HOOK2: variants seen among roughly 807,000 people sequenced by gnomAD.
The protein encoded by HOOK2 is protein Hook homolog 2.
In HOOK2, 108 loss-of-function variants were observed where a neutral mutation model predicts 111.9. The observed-to-expected ratio is 0.96, with a 90% confidence interval of 0.83 to 1.13. The LOEUF (loss-of-function observed/expected upper bound fraction) is 1.13. Among genes scored for constraint, HOOK2 ranks in the 50% most tolerant of loss-of-function variants. The probability of loss-of-function intolerance (pLI) is 0.00; values close to 1 mark genes in which losing one functional copy is unlikely to be tolerated. For synonymous variants in HOOK2, 405 were observed against 394.3 expected, an observed-to-expected ratio of 1.03 and a Z score of -0.32; for missense variants, 978 against 951.3, an observed-to-expected ratio of 1.03 and a Z score of -0.37.
intron 2 of HOOK2, 24 bp from the exon 3 acceptor site, chr19:12,774,765 G>T: frequency 6.2e-7 from 1 of 1,613,196 alleles, no homozygotes; most frequent in South Asian, 1.1e-5. Flanking sequence ...GGTGGGATGA[G>T]CAGACTGGGG....
chr19:12,780,474 A>G (rs1417532828), upstream of HOOK2, among the ~76,000 whole-genome samples: 1 of 150,832 alleles, frequency 6.6e-6, no homozygotes, highest in Non-Finnish European at 1.5e-5. Context: ...CTCCTGCCTC[A>G]GCCTCCCAAG....
At chr19:12,774,028 C>G (rs946211043) in intron 3 of HOOK2, 2 of 154,414 alleles carry the variant, frequency 1.3e-5, no homozygotes, top group African/African-American at 4.8e-5. Flanking sequence ...CCTCATTGCT[C>G]TCTCTCAAAG....
In HOOK2 at chr19:12,770,047, G is replaced by A. The variant is rs1233125386; in HGVS notation, c.938C>T (p.Thr313Met). Residue 313 changes from threonine (T) to methionine (M), a missense_variant, in exon 11 of 23, where the codon ACG (threonine) becomes ATG (methionine). Coordinates refer to ENST00000397668, the MANE Select transcript of HOOK2 (RefSeq NM_013312.3). ...SSERAGQLEA[T>M]LTSCRRRLGE... ...CAAGCGGCGCCGGCAACTGGTCAGC[G>A]TGGCCTCCAGCTGCCCAGCACGCTC... 3 of 1,537,590 alleles carry A rather than the reference G, an allele frequency of 2.0e-6. No individual in the cohort carries two copies. The highest frequency in any genetic ancestry group is 2.0e-5 in the Admixed American group (1 of 50,682).
chr19:12,767,499 G>A lies in HOOK2; in HGVS notation c.1304-35C>T, dbSNP rs200109264. On this transcript the variant is annotated intron_variant, in intron 13 of 22. Transcript: ENST00000397668. ...GCGAGAAAAGTCTTCAGGTCTCTTC[G>A]CATCCCCTGTCCCCGCCCCTAGGGT... is the stretch of plus-strand genomic sequence containing the variant. 87 of 1,542,100 alleles carry A rather than the reference G, an allele frequency of 5.6e-5. No homozygotes were observed. In the African/African-American group the frequency reaches 6.8e-4, roughly 12 times the overall value.
rs534976470 is a variant in HOOK2, at chr19:12,771,221, G to C, written c.699C>G (p.Leu233=). 4.6e-5 allele frequency: 74 copies of C among 1,611,800 alleles called. No homozygotes were observed. The East Asian group carries it at 1.6e-3, about 35-fold the overall frequency. The part of the protein sequence containing the change: ...GRPEGEGTPG[L]TAKKLLLLQS... ...GCAGCAGCAGCAGCTTCTTGGCAGT[G>C]AGACCTGGGGTACCCTCGCCTTCAG... Residue 233 remains leucine, a synonymous_variant, in exon 9 of 23, where the codon CTC becomes CTG. Transcript: ENST00000397668.
Position 12,786,068 on chromosome 19 carries a change from A to G in HOOK2, n.42-11843T>C, listed in dbSNP as rs1177608099. On this transcript the variant is annotated intron_variant and non_coding_transcript_variant, in intron 3 of 3. Transcript: ENST00000589765. This position sits in a 1 kb window ranked among gnomAD's most constrained non-coding sequence, Gnocchi z 4.3. Reference sequence around the variant, plus strand: ...TCAGCCTGGAGAGAGAGAAAGAGAGAGACTCTCCTTCCTGCTTCCAAGAAA... The same window carrying G: ...TCAGCCTGGAGAGAGAGAAAGAGAGGGACTCTCCTTCCTGCTTCCAAGAAA... Among the ~76,000 whole-genome samples the G allele has an allele frequency of 1.3e-5, 2 of 152,100 alleles. No homozygotes were observed. Among genetic ancestry groups the G allele is most frequent in the Admixed American group, 6.6e-5 (1 of 15,260 alleles).
chr19:12,772,527 G>T, intron 6 of HOOK2, 86 bp downstream of exon 6: 1 of 1,447,686 alleles, frequency 6.9e-7, no homozygotes, highest in Non-Finnish European at 9.6e-7. Context: ...ACCTTACCAG[G>T]GCAGGACCTG....
Position 12,767,842 on chromosome 19 carries a change from A to T in HOOK2, c.1277T>A (p.Leu426Gln). Residue 426 changes from leucine to glutamine, a missense_variant, in exon 13 of 23, where the codon CTG becomes CAG. This residue lies in a region of HOOK2 where 388 missense variants were observed against 358.3 expected (regional missense o/e 1.08). Transcript: ENST00000397668. ...EANEELRCAQ[L>Q]QPRGLTQADP... is the part of the protein sequence containing the mutation. ...GGCCTGGGTCAACCCCCGCGGCTGC[A>T]GCTGGGCGCAGCGCAGCTCCTCATT... 1.2e-6 allele frequency: 2 copies of T among 1,605,066 alleles called. No individual in the cohort carries two copies. The highest frequency in any genetic ancestry group is 8.5e-7 in the Non-Finnish European group (1 of 1,179,916).
At chr19:12,780,542 G>A (rs1968589783), upstream of HOOK2, among the ~76,000 whole-genome samples, 1 of 149,126 alleles carries the variant, frequency 6.7e-6, no homozygotes, top group Admixed American at 6.7e-5. Flanking sequence ...ATTTTTAGTA[G>A]AGACGAGGTT....
In HOOK2 at chr19:12,765,911, G is replaced by A. The variant is rs780439637; in HGVS notation, c.1599+16C>T. On this transcript the variant is annotated intron_variant, in intron 16 of 22. Coordinates refer to ENST00000397668, the MANE Select transcript of HOOK2 (RefSeq NM_013312.3). Reference sequence around the variant, plus strand: ...ACAAGGGAGGGCCAGGCTGGGAGGTGGTGGGTGACACTCACATCTTCAGTC... The same window carrying A: ...ACAAGGGAGGGCCAGGCTGGGAGGTAGTGGGTGACACTCACATCTTCAGTC... 3.1e-6 allele frequency: 5 copies of A among 1,613,476 alleles called. No homozygotes were observed. In the South Asian group the frequency reaches 5.5e-5, roughly 18 times the overall value.
intron 3 of HOOK2, chr19:12,784,944 C>T (rs1968642085): frequency 6.6e-6 from 1 of 152,332 alleles, no homozygotes; most frequent in Non-Finnish European, 1.5e-5. Context: ...GACACCAAGC[C>T]GAAGCCTTAG....
At chr19:12,768,963 ATTTTTTT>A (rs757287596) in intron 11 of HOOK2, among the ~76,000 whole-genome samples, 2 of 122,322 alleles carry the variant, frequency 1.6e-5, no homozygotes, top group Non-Finnish European at 3.5e-5. Context: ...AGCCCGGCTA[ATTTTTTT>A]TTTTTTTTTT....
intron 7 of HOOK2, chr19:12,771,704 G>A (rs1185115178): frequency 3.7e-6 from 2 of 547,474 alleles, no homozygotes; most frequent in South Asian, 2.1e-5. Context: ...CCAACGTGGC[G>A]AACCCCTTCT....
chr19:12,766,440 A>G (rs1968149993), intron 14 of HOOK2, 200 bp from the exon 15 acceptor site: 1 of 610,686 alleles, frequency 1.6e-6, no homozygotes. Flanking sequence ...AAGCTGGGAT[A>G]GTGGGTGGGG....
upstream of HOOK2, among the ~76,000 whole-genome samples, chr19:12,782,459 GGACGCAGTGATGTGCGCA>G (rs1295110726): frequency 1.1e-4 from 16 of 152,372 alleles, no homozygotes; most frequent in Non-Finnish European, 2.1e-4. Flanking sequence ...CAGGCTGCGC[GGACGCAGTGATGTGCGCA>G]GAGGGCCTCC....
chr19:12,772,714 G>A, intron 5 of HOOK2, 34 bp from the exon 6 acceptor site: 1 of 1,614,032 alleles, frequency 6.2e-7, no homozygotes, highest in Non-Finnish European at 8.5e-7. Flanking sequence ...TGAGACCCAG[G>A]GGTGAGGTGG....
chr19:12,768,184 T>G, intron 11 of HOOK2, 61 bp from the exon 12 acceptor site: 3 of 1,341,686 alleles, frequency 2.2e-6, no homozygotes, highest in Non-Finnish European at 3.2e-6. Context: ...AGGGGCTGAG[T>G]ACAAATGGTC....
At chr19:12,777,799 C>G (rs1568377207), upstream of HOOK2, among the ~76,000 whole-genome samples, 1 of 152,264 alleles carries the variant, frequency 6.6e-6, no homozygotes, top group African/African-American at 2.4e-5. Flanking sequence ...GCCCTGAAAC[C>G]CCGGCTGGGG....
chr19:12,772,834 C>T lies in HOOK2; in HGVS notation c.334G>A (p.Gly112Ser), dbSNP rs780702174. Reference protein sequence around the residue: ...IGEFSDPAELGKLLQLVLGCA... With the variant: ...IGEFSDPAELSKLLQLVLGCA... ...CCCAGCACCAGCTGAAGCAGCTTGC[C>T]GAGCTCTGCCGGGTCTGAGAACTCT... Residue 112 changes from glycine (G) to serine (S), a missense_variant, in exon 5 of 23, where the codon GGC (glycine) becomes AGC (serine). Around this residue, in one of 5 missense-constraint regions of HOOK2, gnomAD observed 301 missense variants for 286.1 expected, o/e 1.05. Transcript: ENST00000397668. 1.1e-5 allele frequency: 18 copies of T among 1,614,080 alleles called. No individual in the cohort carries two copies. The highest frequency in any genetic ancestry group is 4.4e-5 in the South Asian group (4 of 91,088).
Sources: allele counts gnomAD v4.1 joint callset (sites outside exome capture counted in the v4.1 genomes callset), GRCh38; gene constraint gnomAD v4.1.1; regional missense constraint gnomAD v4.1.1; non-coding constraint Gnocchi (gnomAD v3.1); transcripts MANE v1.5; gene names NCBI Gene and HGNC (gene_info 2026-07-23, HGNC 2026-07-21).